OR9Q1: variants seen among roughly 807,000 people sequenced by gnomAD.
The protein encoded by OR9Q1 is olfactory receptor family 9 subfamily Q member 1, also known as olfactory receptor 9Q1.
For missense variants in OR9Q1, 374 were observed against 378.8 expected (o/e 0.99, Z 0.11); for synonymous variants, 153 against 148.6 (o/e 1.03, Z -0.22).
At chr11:58,064,057 G>A (rs1433235632) in intron 2 of OR9Q1, among the ~76,000 whole-genome samples, 1 of 152,156 alleles carries the variant, frequency 6.6e-6, no homozygotes, top group Non-Finnish European at 1.5e-5. Flanking sequence ...TAATCCTGGG[G>A]ATTCCAGCCT....
At chr11:58,045,739 C>T (rs942416799) in intron 1 of OR9Q1, among the ~76,000 whole-genome samples, 2 of 152,130 alleles carry the variant, frequency 1.3e-5, no homozygotes, top group Admixed American at 6.5e-5. Context: ...TTCCCCTAGC[C>T]CCAACAGAAC....
intron 2 of OR9Q1, chr11:58,073,024 TA>T (rs765061979): frequency 3.3e-5 from 7 of 211,146 alleles, no homozygotes; most frequent in Non-Finnish European, 7.4e-5. Context: ...TGGTTTTTCT[TA>T]CCTGCCTTTC....
At chr11:58,098,177 A>G (rs1173464036) in intron 2 of OR9Q1, among the ~76,000 whole-genome samples, 1 of 152,210 alleles carries the variant, frequency 6.6e-6, no homozygotes. Flanking sequence ...GTTTGAGAGA[A>G]ATCATCTGCA....
intron 2 of OR9Q1, among the ~76,000 whole-genome samples, chr11:58,127,712 T>A (rs1037432138): frequency 2.6e-5 from 4 of 152,208 alleles, no homozygotes; most frequent in Admixed American, 2.0e-4. Flanking sequence ...CTGGGATACT[T>A]AAAGATGCTC....
chr11:58,164,023 T>C (rs1854478660), intron 2 of OR9Q1, among the ~76,000 whole-genome samples: 1 of 152,098 alleles, frequency 6.6e-6, no homozygotes, highest in African/African-American at 2.4e-5. Flanking sequence ...CAGTAATCTC[T>C]CCTTGGAGAC....
At chr11:58,162,224 A>G (rs1461143508) in intron 2 of OR9Q1, among the ~76,000 whole-genome samples, 1 of 152,256 alleles carries the variant, frequency 6.6e-6, no homozygotes, top group East Asian at 1.9e-4. Context: ...AGAAGTCATT[A>G]TAAGTAAAAA....
intron 2 of OR9Q1, chr11:58,125,246 C>T (rs574408832): frequency 8.3e-6 from 1 of 121,076 alleles, no homozygotes; most frequent in African/African-American, 3.2e-5. Context: ...ACCGCCCCCC[C>T]CCCAAAAAAA....
intron 2 of OR9Q1, chr11:58,109,161 G>T: frequency 4.0e-6 from 2 of 500,092 alleles, no homozygotes; most frequent in East Asian, 6.0e-5. Flanking sequence ...CACAACAGAA[G>T]GAGAGGGTGA....
In OR9Q1 at chr11:58,180,235, A is replaced by G. The variant is rs966444286; in HGVS notation, c.791A>G (p.Asp264Gly). 6 of 1,614,104 alleles carry G rather than the reference A, an allele frequency of 3.7e-6. No homozygotes were observed. Among genetic ancestry groups the G allele is most frequent in the Non-Finnish European group, 5.1e-6 (6 of 1,180,010 alleles). Residue 264 changes from aspartate (D) to glycine (G), a missense_variant, in exon 3 of 3, where the codon GAT becomes GGT. Coordinates refer to ENST00000335397, the MANE Select transcript of OR9Q1 (RefSeq NM_001005212.4). ...TTCATGTACTTGAGAGGTAACTCAG[A>G]TCAGTCTTCGGAGAAGAATCGGGTA... Reference protein sequence around the residue: ...LIFMYLRGNSDQSSEKNRVVS... With the variant: ...LIFMYLRGNSGQSSEKNRVVS...
chr11:58,158,903 G>T (rs1449948692), intron 2 of OR9Q1, among the ~76,000 whole-genome samples: 1 of 152,196 alleles, frequency 6.6e-6, no homozygotes, highest in Non-Finnish European at 1.5e-5. Context: ...GCAGAAATGA[G>T]ATATGAGGAA....
intron 2 of OR9Q1, among the ~76,000 whole-genome samples, chr11:58,100,615 T>A (rs1853774118): frequency 6.6e-6 from 1 of 152,166 alleles, no homozygotes. Context: ...ATATTTATAT[T>A]TATTTTCTGT....
At chr11:58,131,494 AGT>A (rs2119843416) in intron 2 of OR9Q1, among the ~76,000 whole-genome samples, 1 of 152,232 alleles carries the variant, frequency 6.6e-6, no homozygotes, top group East Asian at 1.9e-4. Flanking sequence ...TGTATATCAC[AGT>A]GTCTTATATA....
chr11:58,109,332 T>A, intron 2 of OR9Q1: 1 of 460,670 alleles, frequency 2.2e-6, no homozygotes, highest in South Asian at 1.5e-5. Flanking sequence ...GGTAACACTC[T>A]GTGCCTGCAC....
At chr11:58,101,642 T>C (rs1292686935) in intron 2 of OR9Q1, among the ~76,000 whole-genome samples, 1 of 152,200 alleles carries the variant, frequency 6.6e-6, no homozygotes, top group Non-Finnish European at 1.5e-5. Flanking sequence ...TTTAATTAGG[T>C]CCCATTTATC....
At chr11:58,177,253 C>G (rs894123440) in intron 2 of OR9Q1, among the ~76,000 whole-genome samples, 6 of 152,176 alleles carry the variant, frequency 3.9e-5, no homozygotes, top group African/African-American at 1.4e-4. Flanking sequence ...ATGATGGACA[C>G]CTTCTGAGTA....
At chr11:58,040,390 A>G (rs1853148846) in intron 1 of OR9Q1, among the ~76,000 whole-genome samples, 1 of 152,184 alleles carries the variant, frequency 6.6e-6, no homozygotes, top group Non-Finnish European at 1.5e-5. Flanking sequence ...TTATATAGCT[A>G]TGACAGCAGG....
intron 2 of OR9Q1, among the ~76,000 whole-genome samples, chr11:58,071,480 TA>T (rs138831478): frequency 4.9e-4 from 73 of 148,300 alleles, no homozygotes; most frequent in Admixed American, 7.4e-4. Context: ...GACAGAGCAT[TA>T]AAAAAAAAAT....
chr11:58,160,907 T>G (rs1854451097), intron 2 of OR9Q1, among the ~76,000 whole-genome samples: 1 of 152,170 alleles, frequency 6.6e-6, no homozygotes. Flanking sequence ...GAACAAGAGA[T>G]TTCACTTAAC....
intron 2 of OR9Q1, chr11:58,073,092 T>C (rs1387496923): frequency 9.5e-6 from 2 of 211,166 alleles, no homozygotes; most frequent in Admixed American, 4.6e-5. Context: ...TGCATCGAAA[T>C]GAGCAGATGC....
Sources: gnomAD v4.1 joint callset for allele counts (sites outside exome capture counted in the v4.1 genomes callset) on GRCh38, gnomAD v4.1.1 for gene constraint, MANE v1.5 for transcripts, NCBI Gene and HGNC (gene_info 2026-07-23, HGNC 2026-07-21) for gene names.